CSTF3: variants seen among roughly 807,000 people sequenced by gnomAD.
The protein encoded by CSTF3 is cleavage stimulation factor subunit 3, also known as CF-1 77 kDa subunit.
CSTF3 carries 29 observed loss-of-function variants against 105.8 expected under a neutral mutation model. The observed-to-expected ratio is 0.27, with a 90% confidence interval of 0.20 to 0.37. The LOEUF (loss-of-function observed/expected upper bound fraction) is 0.37. Among genes scored for constraint, CSTF3 ranks in the 10% least tolerant of loss-of-function variants. The pLI, the probability that CSTF3 is intolerant of heterozygous loss-of-function variation, is 1.00. For synonymous variants in CSTF3, 252 were observed against 281.9 expected, an observed-to-expected ratio of 0.89 and a Z score of 1.06; for missense variants, 357 against 879.3, an observed-to-expected ratio of 0.41 and a Z score of 7.51.
At position 33,112,025 on chromosome 11, in the gene CSTF3, G is replaced by A. The variant is rs774568662; in HGVS notation, c.226-3607C>T. On this transcript the variant is annotated intron_variant, in intron 3 of 20. Coordinates refer to ENST00000323959, the MANE Select transcript of CSTF3 (RefSeq NM_001326.3). ...TCCCAGCACTTTGGGAGGCCAAGGC[G>A]GGCAGATCACCTGAAGTCAGGAATT... Among the ~76,000 whole-genome samples the A allele has an allele frequency of 2.5e-4, 38 of 152,144 alleles. 1 individual carries two copies. Among genetic ancestry groups the A allele is most frequent in the Non-Finnish European group, 2.5e-4 (17 of 68,024 alleles).
intron 3 of CSTF3, among the ~76,000 whole-genome samples, chr11:33,134,067 T>A (rs1273085303): frequency 6.6e-6 from 1 of 152,140 alleles, no homozygotes. Context: ...TTCAATGCAA[T>A]CTCCTATAGT....
Position 33,099,570 on chromosome 11 carries a change from C to T in CSTF3, c.936+38G>A. 7.3e-7 allele frequency: 1 copy of T among 1,371,520 alleles called. No homozygotes were observed. Among genetic ancestry groups the T allele is most frequent in the Non-Finnish European group, 1.0e-6 (1 of 980,762 alleles). 85.0% of individuals were successfully genotyped at this position (1,371,520 alleles called of 1,614,324 possible). A position where few individuals can be genotyped will look rare whatever the true frequency, so the allele number is the denominator to read the frequency against. ...GTAAATAATTGCTATATCAAAACCACAAAAATATCAAAGTGGGGATAGGGA... is the reference window on the plus strand; with the variant it reads ...GTAAATAATTGCTATATCAAAACCATAAAAATATCAAAGTGGGGATAGGGA... On this transcript the variant is annotated intron_variant, in intron 11 of 20. Coordinates refer to ENST00000323959, the MANE Select transcript of CSTF3 (RefSeq NM_001326.3). The surrounding 1 kb of genome is among the most constrained non-coding windows in gnomAD (Gnocchi z 4.1).
intron 1 of CSTF3, among the ~76,000 whole-genome samples, chr11:33,159,058 T>C (rs1251142615): frequency 6.6e-6 from 1 of 152,142 alleles, no homozygotes; most frequent in South Asian, 2.1e-4. Flanking sequence ...ACTATTTTCT[T>C]GGGTGGGGAA....
intron 1 of CSTF3, among the ~76,000 whole-genome samples, chr11:33,157,494 A>G (rs1197689094): frequency 6.6e-6 from 1 of 152,248 alleles, no homozygotes; most frequent in South Asian, 2.1e-4. Flanking sequence ...GGCAAAAACA[A>G]TAAGCAAGGA....
At chr11:33,116,033 A>C (rs370981767) in intron 3 of CSTF3, among the ~76,000 whole-genome samples, 47 of 152,358 alleles carry the variant, frequency 3.1e-4, no homozygotes, top group African/African-American at 1.1e-3. Context: ...CCAGGCCCTT[A>C]AATATATCAC....
chr11:33,149,820 A>C (rs2133805513), intron 1 of CSTF3, among the ~76,000 whole-genome samples: 1 of 152,280 alleles, frequency 6.6e-6, no homozygotes, highest in African/African-American at 2.4e-5. Flanking sequence ...GGAGTTCAAG[A>C]CCAGCCTGGC....
chr11:33,126,821 A>AT (rs1855547753), intron 3 of CSTF3, among the ~76,000 whole-genome samples: 1 of 152,196 alleles, frequency 6.6e-6, no homozygotes, highest in African/African-American at 2.4e-5. Context: ...AGCTTCCTGG[A>AT]ATATAGCAAC....
At chr11:33,156,797 T>C in intron 1 of CSTF3, 1 of 436,172 alleles carries the variant, frequency 2.3e-6, no homozygotes. Flanking sequence ...TGAGACCTCG[T>C]CTCTACCTAA....
Position 33,141,945 on chromosome 11 carries a change from C to T in CSTF3, c.69G>A (p.Lys23=). 1.2e-6 allele frequency: 2 copies of T among 1,612,392 alleles called. No homozygotes were observed. The highest frequency in any genetic ancestry group is 1.7e-6 in the Non-Finnish European group (2 of 1,179,458). Residue 23 remains lysine, a synonymous_variant, in exon 2 of 21, where the codon AAG becomes AAA. Transcript: ENST00000323959. ...YVPEKVKKAE[K]KLEENPYDLD... ...GGTCATATGGATTCTCTTCTAATTT[C>T]TTTTCCGCTTTCTTCACCTTCTCTG...
At chr11:33,145,099 A>G (rs1590285340) in intron 1 of CSTF3, 1 of 152,666 alleles carries the variant, frequency 6.6e-6, no homozygotes, top group South Asian at 2.0e-4. Context: ...CAAAAATACT[A>G]AATTTATTAA....
At chr11:33,116,899 T>G (rs927454812) in intron 3 of CSTF3, among the ~76,000 whole-genome samples, 4 of 151,122 alleles carry the variant, frequency 2.6e-5, no homozygotes, top group African/African-American at 9.7e-5. Flanking sequence ...AAACCAGTAA[T>G]GTAGAGGGAA....
intron 3 of CSTF3, among the ~76,000 whole-genome samples, chr11:33,110,423 C>T (rs935033376): frequency 1.3e-5 from 2 of 152,174 alleles, no homozygotes; most frequent in Non-Finnish European, 2.9e-5. Flanking sequence ...TAGTCCTTTC[C>T]CTAGGCCCTC....
At chr11:33,144,991 C>A (rs573790885) in intron 1 of CSTF3, 24 of 155,466 alleles carry the variant, frequency 1.5e-4, no homozygotes, top group Middle Eastern at 3.8e-3. Flanking sequence ...AAAAAAAAAG[C>A]CTTTAAAGAG....
chr11:33,136,100 G>A (rs1451865098), intron 3 of CSTF3: 1 of 152,370 alleles, frequency 6.6e-6, no homozygotes, highest in Non-Finnish European at 1.5e-5. Context: ...CATACAAAAT[G>A]GTAAAACTTA....
intron 17 of CSTF3, among the ~76,000 whole-genome samples, chr11:33,088,761 C>T (rs1161200542): frequency 1.3e-5 from 2 of 151,922 alleles, no homozygotes; most frequent in Non-Finnish European, 2.9e-5. Context: ...CAGGCGCCAC[C>T]ACACCTGGCT....
intron 1 of CSTF3, among the ~76,000 whole-genome samples, chr11:33,151,751 ACT>A (rs1410128348): frequency 1.3e-5 from 2 of 151,948 alleles, no homozygotes; most frequent in African/African-American, 2.4e-5. Flanking sequence ...TAATGTGGTA[ACT>A]CTTATGTTTT....
chr11:33,160,087 C>T (rs1360532323), intron 1 of CSTF3, among the ~76,000 whole-genome samples: 1 of 151,622 alleles, frequency 6.6e-6, no homozygotes, highest in Non-Finnish European at 1.5e-5. Context: ...ATTAGTCCTT[C>T]ACTTTCAGAT....
At chr11:33,090,408 GC>G (rs1169234358) in intron 17 of CSTF3, 123 bp downstream of exon 17, 5 of 574,118 alleles carry the variant, frequency 8.7e-6, no homozygotes, top group African/African-American at 1.9e-5. Flanking sequence ...CTTTTTTCTT[GC>G]TTCCTGCAAA....
chr11:33,145,104 T>A (rs959344037), intron 1 of CSTF3: 4 of 152,348 alleles, frequency 2.6e-5, no homozygotes, highest in African/African-American at 9.7e-5. Context: ...ATACTAAATT[T>A]ATTAAAGTAC....
Sources: gnomAD v4.1 joint callset for allele counts (sites outside exome capture counted in the v4.1 genomes callset) on GRCh38, gnomAD v4.1.1 for gene constraint, Gnocchi (gnomAD v3.1) non-coding constraint, MANE v1.5 for transcripts, NCBI Gene and HGNC (gene_info 2026-07-23, HGNC 2026-07-21) for gene names.